Variants in CLCN5 observed in about 807,000 individuals in gnomAD.
The protein encoded by CLCN5 is H(+)/Cl(-) exchange transporter 5.
A neutral mutation model predicts 54.0 loss-of-function variants in CLCN5; 17 were observed. The ratio of observed to expected loss-of-function variants is 0.31; its 90% confidence interval spans 0.22 to 0.47. The LOEUF (loss-of-function observed/expected upper bound fraction) is 0.47, where lower values mean the gene tolerates loss of function less well. Among genes scored for constraint, CLCN5 ranks in the 20% least tolerant of loss-of-function variants. The pLI, the probability that CLCN5 is intolerant of heterozygous loss-of-function variation, is 1.00. For missense variants in CLCN5, 448 were observed against 646.7 expected (o/e 0.69, Z 3.33); for synonymous variants, 222 against 233.0 (o/e 0.95, Z 0.43).
intron 4 of CLCN5, among the ~76,000 whole-genome samples, chrX:50,053,505 A>C (rs1177178702): frequency 4.6e-5 from 5 of 108,821 alleles, no homozygotes; most frequent in African/African-American, 1.7e-4. Context: ...CTATTTTTTC[A>C]ATTTTATTGA....
At chrX:49,982,242 T>C (rs781904561) in intron 3 of CLCN5, among the ~76,000 whole-genome samples, 62 of 110,949 alleles carry the variant, frequency 5.6e-4, no homozygotes, top group African/African-American at 2.0e-3. Context: ...ATGTCTTCTT[T>C]CAGGATTTCT....
intron 4 of CLCN5, among the ~76,000 whole-genome samples, chrX:50,056,524 G>A (rs1442206802): frequency 9.0e-6 from 1 of 111,657 alleles, no homozygotes; most frequent in African/African-American, 3.3e-5. Flanking sequence ...TTGCCACATT[G>A]CTTTCTGTGG....
At chrX:50,021,095 T>A (rs1931074609) in intron 3 of CLCN5, among the ~76,000 whole-genome samples, 1 of 77,592 alleles carries the variant, frequency 1.3e-5, no homozygotes, top group Non-Finnish European at 2.2e-5. Context: ...ACGATATTGA[T>A]TCTTCCTACC....
chrX:50,056,273 C>T (rs1159230118), intron 4 of CLCN5, among the ~76,000 whole-genome samples: 1 of 110,744 alleles, frequency 9.0e-6, no homozygotes, highest in East Asian at 2.9e-4. Context: ...GCTTCTAAAA[C>T]AACAATTAGA....
chrX:50,044,428 T>C (rs1216002416), intron 4 of CLCN5, among the ~76,000 whole-genome samples: 7 of 111,629 alleles, frequency 6.3e-5, no homozygotes, highest in Non-Finnish European at 1.1e-4. Context: ...TATGGAGATA[T>C]AAAAAGGCAG....
chrX:50,067,671 T>C, intron 4 of CLCN5: 1 of 753,697 alleles, frequency 1.3e-6, no homozygotes. Flanking sequence ...GGGGCTTCTT[T>C]TGTAAAAGCT....
At chrX:49,987,177 C>T (rs1929026886) in intron 3 of CLCN5, among the ~76,000 whole-genome samples, 1 of 112,367 alleles carries the variant, frequency 8.9e-6, no homozygotes, top group African/African-American at 3.2e-5. Flanking sequence ...ACTCCCATCC[C>T]ACCTTATATT....
At chrX:49,985,616 C>T (rs1928959187) in intron 3 of CLCN5, among the ~76,000 whole-genome samples, 1 of 111,661 alleles carries the variant, frequency 9.0e-6, no homozygotes, top group African/African-American at 3.2e-5. Flanking sequence ...ATCATTAGAT[C>T]TTTAAAAATT....
At chrX:50,045,519 A>C (rs148539050) in intron 4 of CLCN5, among the ~76,000 whole-genome samples, 9 of 112,238 alleles carry the variant, frequency 8.0e-5, no homozygotes, top group African/African-American at 2.3e-4. Flanking sequence ...TATAACTGCA[A>C]AGTACTTTGT....
intron 4 of CLCN5, among the ~76,000 whole-genome samples, chrX:50,052,618 A>G (rs1179289777): frequency 1.8e-5 from 2 of 111,166 alleles, no homozygotes; most frequent in Non-Finnish European, 3.8e-5. Flanking sequence ...AAATTGGTAT[A>G]ATTTTATCCT....
At chrX:50,041,696 A>T (rs1932222295) in intron 3 of CLCN5, among the ~76,000 whole-genome samples, 1 of 111,699 alleles carries the variant, frequency 9.0e-6, no homozygotes, top group South Asian at 3.8e-4. Flanking sequence ...TTGGTTTTAT[A>T]CTCATTTGAA....
At chrX:50,051,598 A>G (rs1031834867) in intron 4 of CLCN5, among the ~76,000 whole-genome samples, 1 of 112,292 alleles carries the variant, frequency 8.9e-6, no homozygotes, top group Non-Finnish European at 1.9e-5. Flanking sequence ...CTATAGATCA[A>G]GCTGGGAAGA....
At chrX:50,084,275 AAATAT>A (rs782566083) in intron 9 of CLCN5, among the ~76,000 whole-genome samples, 23 of 112,676 alleles carry the variant, frequency 2.0e-4, no homozygotes, top group African/African-American at 7.1e-4. Context: ...AGCACAGTAA[AAATAT>A]AATATAATTT....
intron 4 of CLCN5, among the ~76,000 whole-genome samples, chrX:50,066,202 CAAAA>C (rs781827477): frequency 1.4e-4 from 9 of 65,312 alleles, no homozygotes; most frequent in Middle Eastern, 0.014. Context: ...AATTCCAGAG[CAAAA>C]AAAAAAAAAA....
intron 3 of CLCN5, among the ~76,000 whole-genome samples, chrX:49,951,070 A>G (rs1927022849): frequency 1.8e-5 from 2 of 111,643 alleles, no homozygotes; most frequent in African/African-American, 6.5e-5. Context: ...CCCTTTTACT[A>G]TCTATGTCCA....
chrX:49,923,764 C>T (rs1237240495), intron 2 of CLCN5: 1 of 112,140 alleles, frequency 8.9e-6, no homozygotes, highest in Non-Finnish European at 1.9e-5. Flanking sequence ...TTTTCTTGGA[C>T]TTCGCGAACT....
chrX:50,056,959 G>C (rs985512235), intron 4 of CLCN5, among the ~76,000 whole-genome samples: 1 of 112,075 alleles, frequency 8.9e-6, no homozygotes, highest in South Asian at 3.8e-4. Flanking sequence ...GCTCTCAGCA[G>C]AGTCGGGATA....
chrX:50,063,126 A>G (rs1557190204), intron 4 of CLCN5, among the ~76,000 whole-genome samples: 1 of 103,508 alleles, frequency 9.7e-6, no homozygotes, highest in Non-Finnish European at 2.0e-5. Context: ...AACACATTCA[A>G]AAGCTAGCAG....
At chrX:50,066,175 A>G (rs1420022341) in intron 4 of CLCN5, among the ~76,000 whole-genome samples, 28 of 105,430 alleles carry the variant, frequency 2.7e-4, no homozygotes, top group Non-Finnish European at 4.0e-4. Context: ...AAAAAAAAAA[A>G]AAAAGAAAGA....
Sources: gnomAD v4.1 joint callset for allele counts (sites outside exome capture counted in the v4.1 genomes callset) on GRCh38, gnomAD v4.1.1 for gene constraint, MANE v1.5 for transcripts, NCBI Gene and HGNC (gene_info 2026-07-23, HGNC 2026-07-21) for gene names.